Variants in YWHAZ observed in about 807,000 individuals in gnomAD.
The protein encoded by YWHAZ is 14-3-3 protein zeta/delta.
For synonymous variants in YWHAZ, 87 were observed against 103.6 expected (o/e 0.84, Z 0.97); for missense variants, 79 against 284.8 (o/e 0.28, Z 5.20).
chr8:100,946,892 A>C (rs1455167860), intron 2 of YWHAZ, among the ~76,000 whole-genome samples: 1 of 151,210 alleles, frequency 6.6e-6, no homozygotes, highest in Admixed American at 6.6e-5. Flanking sequence ...GAGCAAAAAA[A>C]AAAAACAAAA....
At chr8:100,952,912 A>G (rs1810906138), upstream of YWHAZ, 1 of 1,000,290 alleles carries the variant, frequency 1.0e-6, no homozygotes, top group Non-Finnish European at 1.2e-6. Flanking sequence ...TGAGGCGTCC[A>G]GCCCCTGAGT....
At chr8:100,952,938 G>C, upstream of YWHAZ, 9 of 1,000,594 alleles carry the variant, frequency 9.0e-6, no homozygotes, top group Non-Finnish European at 1.1e-5. Context: ...TGAGTGATGG[G>C]GAGGCGTTCC....
At chr8:100,950,292 C>G (rs1810612990) in intron 1 of YWHAZ, 1 of 833,220 alleles carries the variant, frequency 1.2e-6, no homozygotes. Flanking sequence ...GGATTCTCTC[C>G]CCAATCACTT....
chr8:100,950,590 CAG>C (rs1810653538), intron 1 of YWHAZ: 18 of 985,428 alleles, frequency 1.8e-5, no homozygotes, highest in Admixed American at 6.2e-5. Context: ...CAACCTACTG[CAG>C]AGTGTTAATT....
Position 100,921,020 on chromosome 8 carries a change from A to T in YWHAZ, c.679-268T>A, listed in dbSNP as rs185092377. ...AAGTTTTGGTTATCCACAGAAGGTG[A>T]AGAGAAATTACAAGAAATAATACTT... On this transcript the variant is annotated intron_variant, in intron 5 of 5. Transcript: ENST00000395958. Among the ~76,000 whole-genome samples, 46 of 152,296 alleles carry T rather than the reference A, an allele frequency of 3.0e-4. 1 individual carries two copies. The East Asian group carries it at 8.5e-3, about 28-fold the overall frequency.
At chr8:100,920,804 G>GGA (rs1554612465) in intron 5 of YWHAZ, 52 bp from the exon 6 acceptor site, 2 of 685,338 alleles carry the variant, frequency 2.9e-6, no homozygotes, top group South Asian at 3.0e-5. Flanking sequence ...ATGGGGGGGG[G>GGA]GGGGCGTTTT....
intron 2 of YWHAZ, among the ~76,000 whole-genome samples, chr8:100,939,305 G>T (rs562983874): frequency 6.6e-6 from 1 of 152,162 alleles, no homozygotes; most frequent in South Asian, 2.1e-4. Flanking sequence ...CAGGTTCAGA[G>T]AATTGTCTCC....
intron 2 of YWHAZ, among the ~76,000 whole-genome samples, chr8:100,942,474 T>C (rs553739837): frequency 1.3e-5 from 2 of 152,352 alleles, no homozygotes; most frequent in Admixed American, 1.3e-4. Context: ...GAACTGCTGA[T>C]ACGACCGTTC....
intron 2 of YWHAZ, among the ~76,000 whole-genome samples, chr8:100,929,586 C>A (rs1049567274): frequency 6.6e-6 from 1 of 152,196 alleles, no homozygotes; most frequent in Non-Finnish European, 1.5e-5. Flanking sequence ...ACTATAATTT[C>A]CCTACTGTAC....
At chr8:100,928,500 G>C (rs1302036836) in intron 2 of YWHAZ, among the ~76,000 whole-genome samples, 6 of 152,190 alleles carry the variant, frequency 3.9e-5, no homozygotes, top group Non-Finnish European at 8.8e-5. Context: ...GGGAGGCTGA[G>C]GCGGGTGGAT....
In YWHAZ at chr8:100,948,054, G is replaced by C. The variant is rs780992533; in HGVS notation, c.294+542C>G. 4.0e-6 allele frequency: 6 copies of C among 1,509,690 alleles called. No individual in the cohort carries two copies. The East Asian group carries it at 1.5e-4, about 37-fold the overall frequency. 93.5% of individuals were successfully genotyped at this position (1,509,690 alleles called of 1,614,324 possible). ...TGAGTTGTTCATAACCTTTCATCAT[G>C]GTTGTGAGTGTTCAAAATTTACCTT... is the stretch of plus-strand genomic sequence containing the variant. On this transcript the variant is annotated intron_variant, in intron 2 of 5. Coordinates refer to ENST00000395958, the MANE Select transcript of YWHAZ (RefSeq NM_145690.3). The surrounding 1 kb of genome is among the most constrained non-coding windows in gnomAD (Gnocchi z 4.2).
chr8:100,947,676 A>G (rs1810405295), intron 2 of YWHAZ, among the ~76,000 whole-genome samples: 2 of 152,328 alleles, frequency 1.3e-5, no homozygotes, highest in South Asian at 4.1e-4. Context: ...CTTCTTCCAT[A>G]AACAAGGTTC....
At position 100,918,763 on chromosome 8, in the gene YWHAZ, C is replaced by T. The variant is rs1812829437; in HGVS notation, c.*1930G>A. 1 of 152,496 alleles carries T rather than the reference C, an allele frequency of 6.6e-6. No homozygotes were observed. The highest frequency in any genetic ancestry group is 1.5e-5 in the Non-Finnish European group (1 of 68,020). 9.4% of individuals were successfully genotyped at this position (152,496 alleles called of 1,614,324 possible). ...ATATTTATTGAGCATTTACAGTGTA[C>T]TAGGCACAATAGAACATACAGAAAA... On this transcript the variant is annotated 3_prime_UTR_variant, in exon 6 of 6. Coordinates refer to ENST00000395958, the MANE Select transcript of YWHAZ (RefSeq NM_145690.3).
intron 2 of YWHAZ, among the ~76,000 whole-genome samples, chr8:100,942,825 T>C (rs970777315): frequency 6.6e-6 from 1 of 152,106 alleles, no homozygotes; most frequent in Non-Finnish European, 1.5e-5. Context: ...ACATGCAACA[T>C]AGAACTGAAA....
chr8:100,925,507 GAGA>G (rs1457227903), intron 2 of YWHAZ, among the ~76,000 whole-genome samples: 1 of 152,222 alleles, frequency 6.6e-6, no homozygotes, highest in Non-Finnish European at 1.5e-5. Context: ...GTCCATGCCA[GAGA>G]AGGAGGAACA....
At chr8:100,939,074 G>A (rs1265368295) in intron 2 of YWHAZ, among the ~76,000 whole-genome samples, 3 of 152,192 alleles carry the variant, frequency 2.0e-5, no homozygotes, top group East Asian at 3.8e-4. Flanking sequence ...AAAGCAAGAT[G>A]TTCCTGATGT....
At chr8:100,938,657 A>G (rs1230470824) in intron 2 of YWHAZ, among the ~76,000 whole-genome samples, 2 of 152,232 alleles carry the variant, frequency 1.3e-5, no homozygotes, top group Non-Finnish European at 2.9e-5. Context: ...TGGGCCTTGT[A>G]TAAATCCTAG....
intron 2 of YWHAZ, among the ~76,000 whole-genome samples, chr8:100,938,998 A>G (rs908786068): frequency 1.3e-5 from 2 of 152,268 alleles, no homozygotes; most frequent in Non-Finnish European, 2.9e-5. Context: ...GCTTGTGCCT[A>G]ATCACTTAAC....
chr8:100,941,203 A>C (rs1471200334), intron 2 of YWHAZ, among the ~76,000 whole-genome samples: 2 of 152,222 alleles, frequency 1.3e-5, no homozygotes, highest in African/African-American at 4.8e-5. Flanking sequence ...TCACATTTTA[A>C]GTAGGTATTT....
Sources: allele counts gnomAD v4.1 joint callset (sites outside exome capture counted in the v4.1 genomes callset), GRCh38; gene constraint gnomAD v4.1.1; non-coding constraint Gnocchi (gnomAD v3.1); transcripts MANE v1.5; gene names NCBI Gene and HGNC (gene_info 2026-07-23, HGNC 2026-07-21).